Variants in RUNDC3B observed in about 807,000 individuals in gnomAD.
RUNDC3B encodes the protein RUN domain-containing protein 3B.
Under a neutral mutation model 58.4 loss-of-function variants are expected in RUNDC3B, and 33 were observed. The observed-to-expected ratio is 0.56, with a 90% CI of 0.43 to 0.75. The LOEUF (loss-of-function observed/expected upper bound fraction) is 0.75. Among genes scored for constraint, RUNDC3B ranks in the 30% least tolerant of loss-of-function variants. The probability of loss-of-function intolerance (pLI) is 0.00; values close to 1 mark genes in which losing one functional copy is unlikely to be tolerated. For missense variants in RUNDC3B, 501 were observed against 535.7 expected, an observed-to-expected ratio of 0.94 and a Z score of 0.64; for synonymous variants, 193 against 195.2, an observed-to-expected ratio of 0.99 and a Z score of 0.10.
In RUNDC3B at chr7:87,831,714, C is replaced by G. The variant is rs970688787; in HGVS notation, c.*1684C>G. 1 of 151,768 alleles carries G rather than the reference C, an allele frequency of 6.6e-6. No individual in the cohort carries two copies. Among genetic ancestry groups the G allele is most frequent in the Non-Finnish European group, 1.5e-5 (1 of 67,804 alleles). 9.4% of individuals were successfully genotyped at this position (151,768 alleles called of 1,614,324 possible). A position where few individuals can be genotyped will look rare whatever the true frequency, so the allele number is the denominator to read the frequency against. ...AGGTATAATATGAGGACAATGGAAACTTTGGGAGAAGGGAGTGAGGAAATG... is the reference window on the plus strand; with the variant it reads ...AGGTATAATATGAGGACAATGGAAAGTTTGGGAGAAGGGAGTGAGGAAATG... On this transcript the variant is annotated 3_prime_UTR_variant, in exon 11 of 11. Coordinates refer to ENST00000394654, the MANE Select transcript of RUNDC3B (RefSeq NM_001134405.2).
rs143969988 is a variant in RUNDC3B at position 87,650,847 on chromosome 7, C to T, written c.148C>T (p.Arg50Trp). Residue 50 changes from arginine (R) to tryptophan (W), a missense_variant, in exon 2 of 11, where the codon CGG becomes TGG. Physicochemically the swap from Arg to Trp is moderately radical, Grantham distance 101 (BLOSUM62 -3). Coordinates refer to ENST00000394654, the MANE Select transcript of RUNDC3B (RefSeq NM_001134405.2). ...GTTTTCTGTGAAGACCCTGATTGAT[C>T]GGTCTTGCTTTGAGACAATTGATGA... is the stretch of plus-strand genomic sequence containing the variant. ...CRFSVKTLID[R>W]SCFETIDDSS... 1.1e-5 allele frequency: 17 copies of T among 1,609,242 alleles called. No individual in the cohort carries two copies. The highest frequency in any genetic ancestry group is 1.4e-5 in the Non-Finnish European group (16 of 1,176,000).
chr7:87,752,866 T>C (rs1463262540), intron 6 of RUNDC3B, among the ~76,000 whole-genome samples: 1 of 152,020 alleles, frequency 6.6e-6, no homozygotes, highest in South Asian at 2.1e-4. Flanking sequence ...TTTTTGTGTC[T>C]CTATTTCCTT....
intron 2 of RUNDC3B, among the ~76,000 whole-genome samples, chr7:87,651,327 T>C (rs1447165306): frequency 6.6e-6 from 1 of 152,172 alleles, no homozygotes; most frequent in Non-Finnish European, 1.5e-5. Flanking sequence ...GTAAATGTTT[T>C]AGCAGGTAGT....
chr7:87,681,286 T>C (rs1240577175), intron 2 of RUNDC3B, among the ~76,000 whole-genome samples: 1 of 150,600 alleles, frequency 6.6e-6, no homozygotes, highest in Non-Finnish European at 1.5e-5. Flanking sequence ...ATTCAATCCA[T>C]CTCAGAAAAT....
intron 6 of RUNDC3B, among the ~76,000 whole-genome samples, chr7:87,751,603 G>T (rs1281378573): frequency 6.6e-6 from 1 of 152,198 alleles, no homozygotes; most frequent in Non-Finnish European, 1.5e-5. Flanking sequence ...CACATCCCTT[G>T]TAAGTTGGAT....
intron 2 of RUNDC3B, among the ~76,000 whole-genome samples, chr7:87,666,138 A>G (rs1038204622): frequency 6.6e-6 from 1 of 151,998 alleles, no homozygotes; most frequent in Non-Finnish European, 1.5e-5. Flanking sequence ...TCTCTGCAAC[A>G]TCTCCAGCAC....
intron 8 of RUNDC3B, among the ~76,000 whole-genome samples, chr7:87,791,265 G>C (rs1214772455): frequency 2.0e-5 from 3 of 152,050 alleles, no homozygotes; most frequent in Non-Finnish European, 4.4e-5. Context: ...AGGAGAAATA[G>C]ACTTTCCCAG....
At chr7:87,723,875 T>C (rs889001553) in intron 4 of RUNDC3B, among the ~76,000 whole-genome samples, 6 of 152,112 alleles carry the variant, frequency 3.9e-5, no homozygotes, top group Middle Eastern at 6.3e-3. Context: ...TGTCCAAATA[T>C]GATAAAGCGT....
intron 1 of RUNDC3B, among the ~76,000 whole-genome samples, chr7:87,647,554 A>T (rs546863857): frequency 2.0e-5 from 3 of 152,314 alleles, no homozygotes; most frequent in Admixed American, 6.5e-5. Flanking sequence ...TAATGAATTT[A>T]TTTTGTTTAT....
chr7:87,704,925 T>C (rs923930118), intron 3 of RUNDC3B, among the ~76,000 whole-genome samples: 2 of 152,232 alleles, frequency 1.3e-5, no homozygotes, highest in African/African-American at 2.4e-5. Flanking sequence ...AGCTGCAATC[T>C]TGAATGACTA....
chr7:87,687,213 C>T (rs2130624141), intron 2 of RUNDC3B, among the ~76,000 whole-genome samples: 1 of 152,150 alleles, frequency 6.6e-6, no homozygotes, highest in East Asian at 1.9e-4. Flanking sequence ...CTGTTCTCTA[C>T]CCTTATCAGT....
chr7:87,662,427 G>T (rs551787426), intron 2 of RUNDC3B, among the ~76,000 whole-genome samples: 31 of 152,006 alleles, frequency 2.0e-4, no homozygotes, highest in Middle Eastern at 6.8e-3. Flanking sequence ...TTGATTTTTT[G>T]TATACAGTGA....
intron 1 of RUNDC3B, among the ~76,000 whole-genome samples, chr7:87,648,062 G>A (rs1247108851): frequency 6.6e-6 from 1 of 151,832 alleles, no homozygotes; most frequent in Non-Finnish European, 1.5e-5. Context: ...GTGGGCGCCT[G>A]TAGTCCCAGC....
chr7:87,728,866 C>T (rs1056152044), intron 4 of RUNDC3B, among the ~76,000 whole-genome samples: 2 of 152,160 alleles, frequency 1.3e-5, no homozygotes, highest in African/African-American at 4.8e-5. Context: ...TTTCGCATAT[C>T]TCCAGATGGA....
chr7:87,737,604 TA>T (rs1262202643), intron 4 of RUNDC3B, among the ~76,000 whole-genome samples: 1 of 152,102 alleles, frequency 6.6e-6, no homozygotes, highest in Non-Finnish European at 1.5e-5. Flanking sequence ...TATATTATCT[TA>T]AGCTCAGAAG....
At chr7:87,638,751 A>C (rs1398748370) in intron 1 of RUNDC3B, among the ~76,000 whole-genome samples, 1 of 151,852 alleles carries the variant, frequency 6.6e-6, no homozygotes, top group African/African-American at 2.4e-5. Context: ...GGCATTTATT[A>C]ATTTTACCAA....
intron 2 of RUNDC3B, among the ~76,000 whole-genome samples, chr7:87,676,457 T>C (rs1283363008): frequency 1.3e-5 from 2 of 152,030 alleles, no homozygotes; most frequent in Non-Finnish European, 2.9e-5. Flanking sequence ...TTCCATCACT[T>C]TGGGAGGCCA....
intron 8 of RUNDC3B, among the ~76,000 whole-genome samples, chr7:87,796,250 AAATC>A (rs1835814624): frequency 1.3e-5 from 2 of 152,176 alleles, no homozygotes; most frequent in Non-Finnish European, 2.9e-5. Flanking sequence ...TGGTATATAA[AAATC>A]AAAACAATTG....
At position 87,628,975 on chromosome 7, in the gene RUNDC3B, C is replaced by T. The variant is rs199898687; in HGVS notation, c.122+30C>T. On this transcript the variant is annotated intron_variant, in intron 1 of 10. Transcript: ENST00000394654. Reference sequence around the variant, plus strand: ...GGCAGCGCAGGGCGAGGGGAACCAGCCTCCCGCCGGGGCTGAGAGCTCTGG... The same window carrying T: ...GGCAGCGCAGGGCGAGGGGAACCAGTCTCCCGCCGGGGCTGAGAGCTCTGG... The T allele has an allele frequency of 9.7e-5, 127 of 1,306,030 alleles. No homozygotes were observed. In the East Asian group the frequency reaches 3.5e-3, roughly 36 times the overall value. 80.9% of individuals were successfully genotyped at this position (1,306,030 alleles called of 1,614,324 possible).
Sources: allele counts gnomAD v4.1 joint callset (sites outside exome capture counted in the v4.1 genomes callset), GRCh38; gene constraint gnomAD v4.1.1; transcripts MANE v1.5; gene names NCBI Gene and HGNC (gene_info 2026-07-23, HGNC 2026-07-21).